The following HMCN1 variants were observed in gnomAD, a reference collection of about 807,000 sequenced individuals.
HMCN1 encodes the protein hemicentin 1.
HMCN1 carries 321 observed loss-of-function variants against 625.9 expected under a neutral mutation model. The ratio of observed to expected loss-of-function variants is 0.51; its 90% confidence interval spans 0.47 to 0.56. The LOEUF is 0.56. Ranked by LOEUF, HMCN1 falls within the 20% of genes least tolerant of loss-of-function variation. The probability of loss-of-function intolerance (pLI) is 0.00; values close to 1 mark genes in which losing one functional copy is unlikely to be tolerated. For synonymous variants in HMCN1, 2,425 were observed against 2,417.6 expected, an observed-to-expected ratio of 1.00 and a Z score of -0.09; for missense variants, 6,588 against 6,887.3, an observed-to-expected ratio of 0.96 and a Z score of 1.54.
chr1:185,929,743 A>G (rs1667452946), intron 10 of HMCN1, among the ~76,000 whole-genome samples: 2 of 152,224 alleles, frequency 1.3e-5, no homozygotes, highest in Non-Finnish European at 2.9e-5. Context: ...AAGCAGAAGC[A>G]TGCAAGTCAG....
rs571083372 is a variant in HMCN1 at position 185,945,681 on chromosome 1, G to T, written c.1828+11857G>T. Among the ~76,000 whole-genome samples, 45 of 152,280 alleles carry T rather than the reference G, an allele frequency of 3.0e-4. 1 individual carries two copies. In the South Asian group the frequency reaches 8.9e-3, roughly 30 times the overall value. On this transcript the variant is annotated intron_variant, in intron 11 of 106. Coordinates refer to ENST00000271588, the MANE Select transcript of HMCN1 (RefSeq NM_031935.3). The stretch of plus-strand genomic sequence containing the variant: ...GTATCCACTAGAAGATGACTAAAAG[G>T]TAGAAGTCTTTGCTAGGAAGAAGTC...
chr1:185,807,645 A>G lies in HMCN1; in HGVS notation c.269-38381A>G, dbSNP rs185463823. ...GGTGTTAAGATTCAAAAACTCCTTT[A>G]AAGTAAGCCTTCCAATGTTATTTAT... On this transcript the variant is annotated intron_variant, in intron 1 of 106. Coordinates refer to ENST00000271588, the MANE Select transcript of HMCN1 (RefSeq NM_031935.3). Among the ~76,000 whole-genome samples the G allele has an allele frequency of 7.5e-4, 115 of 152,324 alleles. 1 individual carries two copies. The highest frequency in any genetic ancestry group is 4.1e-4 in the South Asian group (2 of 4,830).
intron 15 of HMCN1, among the ~76,000 whole-genome samples, chr1:185,976,975 A>C (rs947738921): frequency 6.6e-6 from 1 of 151,956 alleles, no homozygotes; most frequent in Non-Finnish European, 1.5e-5. Flanking sequence ...AGCCTCATCT[A>C]TTTGAACTTG....
intron 103 of HMCN1, among the ~76,000 whole-genome samples, chr1:186,177,732 T>C (rs1347993274): frequency 6.6e-6 from 1 of 152,184 alleles, no homozygotes; most frequent in African/African-American, 2.4e-5. Context: ...AAATCTGAAT[T>C]CCATCTGAAA....
chr1:186,153,127 G>C (rs1650777898), intron 96 of HMCN1, among the ~76,000 whole-genome samples: 1 of 152,142 alleles, frequency 6.6e-6, no homozygotes, highest in African/African-American at 2.4e-5. Flanking sequence ...ATTTTCTTTA[G>C]ACAAAGAGGA....
At chr1:185,779,541 A>T (rs2102168665) in intron 1 of HMCN1, among the ~76,000 whole-genome samples, 1 of 152,304 alleles carries the variant, frequency 6.6e-6, no homozygotes, top group South Asian at 2.1e-4. Flanking sequence ...TAAGGAAGGG[A>T]TCCAGTTTCA....
chr1:186,150,243 A>T (rs1285257025), intron 93 of HMCN1, among the ~76,000 whole-genome samples: 2 of 152,210 alleles, frequency 1.3e-5, no homozygotes, highest in Non-Finnish European at 2.9e-5. Context: ...AAATGTATTA[A>T]AATACATCAG....
At position 186,018,337 on chromosome 1, in the gene HMCN1, G is replaced by T; in HGVS notation, c.5455G>T (p.Glu1819Ter). The change falls in exon 34 of 107, where the codon GAA becomes TAA. Residue 1819 changes from glutamate to a stop codon, truncating the protein, a stop_gained. Coordinates refer to ENST00000271588, the MANE Select transcript of HMCN1 (RefSeq NM_031935.3). LOFTEE classifies it high-confidence loss of function. ...NTAGDHKKEF[E>*]VTVHVPPTIK... Reference sequence around the variant, plus strand: ...TGCTGGAGACCACAAGAAGGAATTTGAAGTGACTGTTCATGGTATGCTGAA... The same window carrying T: ...TGCTGGAGACCACAAGAAGGAATTTTAAGTGACTGTTCATGGTATGCTGAA... 6.2e-7 allele frequency: 1 copy of T among 1,612,732 alleles called. No homozygotes were observed. The highest frequency in any genetic ancestry group is 8.5e-7 in the Non-Finnish European group (1 of 1,178,992).
intron 4 of HMCN1, among the ~76,000 whole-genome samples, chr1:185,893,878 A>G (rs6703739): frequency 0.064 from 9,682 of 152,242 alleles, 1,083 homozygotes; most frequent in African/African-American, 0.22. Context: ...TAGCACTCAG[A>G]CTGAGAAACA....
chr1:186,022,953 A>T (rs939537094), intron 35 of HMCN1, 77 bp from the exon 36 acceptor site: 1 of 1,398,676 alleles, frequency 7.1e-7, no homozygotes, highest in Non-Finnish European at 1.0e-6. Context: ...ATTTAAATGA[A>T]TTTTTCTGTC....
intron 10 of HMCN1, among the ~76,000 whole-genome samples, chr1:185,933,031 A>G (rs1275962951): frequency 1.3e-5 from 2 of 152,036 alleles, no homozygotes; most frequent in African/African-American, 4.8e-5. Flanking sequence ...CCTGAACTTC[A>G]TAAATCAAAC....
chr1:185,946,510 C>T (rs1668355562), intron 11 of HMCN1, among the ~76,000 whole-genome samples: 2 of 152,134 alleles, frequency 1.3e-5, no homozygotes, highest in Admixed American at 1.3e-4. Flanking sequence ...CAAGTCTAAA[C>T]TTTGGCCTTT....
intron 4 of HMCN1, among the ~76,000 whole-genome samples, chr1:185,902,265 A>C (rs1665845395): frequency 6.6e-6 from 1 of 151,330 alleles, no homozygotes. Context: ...TAGTAATGTA[A>C]AAGACTGTTT....
intron 11 of HMCN1, 148 bp from the exon 12 acceptor site, chr1:185,962,370 C>G: frequency 2.8e-6 from 2 of 705,182 alleles, no homozygotes; most frequent in Non-Finnish European, 5.2e-6. Context: ...CCATTGGTTT[C>G]TTTCCTGCCA....
intron 36 of HMCN1, among the ~76,000 whole-genome samples, chr1:186,028,678 C>T (rs1655216683): frequency 6.6e-6 from 1 of 151,462 alleles, no homozygotes; most frequent in Admixed American, 6.6e-5. Flanking sequence ...TAGTCATTAG[C>T]TTTCCTCTTT....
intron 1 of HMCN1, among the ~76,000 whole-genome samples, chr1:185,758,512 T>G (rs1655280870): frequency 6.6e-6 from 1 of 152,138 alleles, no homozygotes; most frequent in Non-Finnish European, 1.5e-5. Context: ...TGCACATGCC[T>G]GTAGTCCCAG....
Position 186,095,386 on chromosome 1 carries a change from G to A in HMCN1, c.10438G>A (p.Ala3480Thr). ...AGATGGCCAGCCTCTGGGGCTTGAT[G>A]CCCATCTGACAGTCAGCACCCATGG... is the stretch of plus-strand genomic sequence containing the variant. Reference protein sequence around the residue: ...LRDGQPLGLDAHLTVSTHGMV... With the variant: ...LRDGQPLGLDTHLTVSTHGMV... The change falls in exon 68 of 107, where the codon GCC becomes ACC. Residue 3480 changes from alanine (A) to threonine (T), a missense_variant. Around this residue, in one of 3 missense-constraint regions of HMCN1, gnomAD observed 4,628 missense variants for 4,853.1 expected, o/e 0.95. Coordinates refer to ENST00000271588, the MANE Select transcript of HMCN1 (RefSeq NM_031935.3). 1 of 1,613,728 alleles carries A rather than the reference G, an allele frequency of 6.2e-7. No individual in the cohort carries two copies.
At position 185,953,524 on chromosome 1, in the gene HMCN1, A is replaced by G. The variant is rs578006754; in HGVS notation, c.1829-8994A>G. On this transcript the variant is annotated intron_variant, in intron 11 of 106. Coordinates refer to ENST00000271588, the MANE Select transcript of HMCN1 (RefSeq NM_031935.3). ...AATGAAAGGAATTGAAATTAAGAGA[A>G]GGGAGAGATTGAAGTGTGGCGCCAA... 2.0e-3 allele frequency among the ~76,000 whole-genome samples: 307 copies of G among 152,006 alleles called. 11 individuals carry two copies. Among genetic ancestry groups the G allele is most frequent in the African/African-American group, 7.0e-3 (288 of 41,320 alleles).
rs995929053 is a variant in HMCN1 at position 186,128,175 on chromosome 1, C to T, written c.12788C>T (p.Thr4263Ile). ...ACTGTGCATGTTCTCCCCACTTTTACTGAACTTCCTGGAGACGTGTCATTA... is the reference window on the plus strand; with the variant it reads ...ACTGTGCATGTTCTCCCCACTTTTATTGAACTTCCTGGAGACGTGTCATTA... ...SLTVHVLPTF[T>I]ELPGDVSLNK... Residue 4263 changes from threonine to isoleucine, a missense_variant, in exon 83 of 107, where the codon ACT (threonine) becomes ATT (isoleucine). This residue lies in a region of HMCN1 where 1,954 missense variants were observed against 2,013.1 expected (regional missense o/e 0.97). Coordinates refer to ENST00000271588, the MANE Select transcript of HMCN1 (RefSeq NM_031935.3). 3.1e-6 allele frequency: 5 copies of T among 1,613,708 alleles called. No individual in the cohort carries two copies. The Admixed American group carries it at 5.0e-5, about 16-fold the overall frequency.
Sources: allele counts gnomAD v4.1 joint callset (sites outside exome capture counted in the v4.1 genomes callset), GRCh38; gene constraint gnomAD v4.1.1; regional missense constraint gnomAD v4.1.1; transcripts MANE v1.5; gene names NCBI Gene and HGNC (gene_info 2026-07-23, HGNC 2026-07-21).